The following ASB2 variants were observed in gnomAD, a reference collection of about 807,000 sequenced individuals.
ASB2 encodes ankyrin repeat and SOCS box protein 2.
A neutral mutation model predicts 62.4 loss-of-function variants in ASB2; 58 were observed. The ratio of observed to expected loss-of-function variants is 0.93; its 90% CI spans 0.75 to 1.16. The LOEUF is 1.16. ASB2 is among the 50% of genes most tolerant of loss of function. The pLI is 0.00. For missense variants in ASB2, 928 were observed against 887.9 expected (o/e 1.05, Z -0.57); for synonymous variants, 386 against 385.3 (o/e 1.00, Z -0.02).
chr14:93,963,877 T>A (rs1015483879), intron 2 of ASB2, among the ~76,000 whole-genome samples: 6 of 152,080 alleles, frequency 3.9e-5, no homozygotes, highest in African/African-American at 1.4e-4. Context: ...ACTGAGAGGA[T>A]GAGGTGGGGC....
At chr14:93,963,954 A>T (rs1889493677) in intron 2 of ASB2, among the ~76,000 whole-genome samples, 1 of 152,084 alleles carries the variant, frequency 6.6e-6, no homozygotes, top group Non-Finnish European at 1.5e-5. Context: ...TGCTCACCAG[A>T]TATGTTTTTC....
intron 6 of ASB2, among the ~76,000 whole-genome samples, chr14:93,950,334 A>C (rs533028978): frequency 2.0e-5 from 3 of 152,342 alleles, no homozygotes; most frequent in South Asian, 4.1e-4. Context: ...AACCAAAAGC[A>C]AGTCTGCCAT....
At chr14:93,934,829 A>G in intron 9 of ASB2, 37 bp from the exon 10 acceptor site, 1 of 1,583,700 alleles carries the variant, frequency 6.3e-7, no homozygotes, top group Non-Finnish European at 8.7e-7. Context: ...CTGATTTGTC[A>G]TTTGCAATAA....
At chr14:93,942,315 C>G (rs545820093) in intron 7 of ASB2, 8 of 455,438 alleles carry the variant, frequency 1.8e-5, no homozygotes, top group Non-Finnish European at 3.1e-5. Flanking sequence ...CCTACCCCTT[C>G]CTTGTCCCCT....
At chr14:93,952,893 G>A (rs1429810493) in intron 5 of ASB2, among the ~76,000 whole-genome samples, 1 of 152,236 alleles carries the variant, frequency 6.6e-6, no homozygotes, top group Non-Finnish European at 1.5e-5. Flanking sequence ...AGGAGGCCTT[G>A]TTTTTCTTAA....
intron 3 of ASB2, among the ~76,000 whole-genome samples, chr14:93,955,880 G>A (rs1314885053): frequency 2.6e-5 from 4 of 152,146 alleles, no homozygotes; most frequent in Non-Finnish European, 5.9e-5. Flanking sequence ...AGACTCAGAG[G>A]GGACAGCGAC....
chr14:93,945,259 G>A (rs1416061473), intron 7 of ASB2, among the ~76,000 whole-genome samples: 1 of 152,172 alleles, frequency 6.6e-6, no homozygotes, highest in Non-Finnish European at 1.5e-5. Context: ...ATCTCTCTGG[G>A]GTCAGGCTCA....
Position 93,976,455 on chromosome 14 carries a change from G to A in ASB2, c.-95C>T, listed in dbSNP as rs1016723405. ...TTACCTGTTAGGCTCTGAAACAAGGGTACAATTCAGGGGTAATACAAAGGA... is the reference window on the plus strand; with the variant it reads ...TTACCTGTTAGGCTCTGAAACAAGGATACAATTCAGGGGTAATACAAAGGA... On this transcript the variant is annotated 5_prime_UTR_variant, in exon 1 of 10. Coordinates refer to ENST00000555019, the MANE Select transcript of ASB2 (RefSeq NM_001202429.2). 3 of 152,190 alleles carry A rather than the reference G, an allele frequency of 2.0e-5. No individual in the cohort carries two copies. Among genetic ancestry groups the A allele is most frequent in the African/African-American group, 7.2e-5 (3 of 41,430 alleles). The allele number at this position is 152,190 out of a possible 1,614,324, so 9.4% of individuals were successfully genotyped here.
intron 8 of ASB2, 93 bp downstream of exon 8, chr14:93,939,015 G>T (rs1212251179): frequency 8.5e-7 from 1 of 1,182,852 alleles, no homozygotes; most frequent in Non-Finnish European, 1.1e-6. Context: ...CAAGGAGCGC[G>T]AACCACCCGG....
intron 7 of ASB2, chr14:93,940,600 T>C (rs1433005153): frequency 1.3e-5 from 2 of 152,240 alleles, no homozygotes; most frequent in Non-Finnish European, 1.5e-5. Flanking sequence ...CCTGTCAGTC[T>C]CAACGCCTCC....
intron 1 of ASB2, among the ~76,000 whole-genome samples, chr14:93,974,973 C>T (rs1889871203): frequency 6.6e-6 from 1 of 152,240 alleles, no homozygotes; most frequent in African/African-American, 2.4e-5. Context: ...TGATGCAAAC[C>T]AGCATGGCAC....
intron 7 of ASB2, chr14:93,944,118 GC>G (rs1888633349): frequency 9.8e-6 from 4 of 406,212 alleles, no homozygotes; most frequent in Middle Eastern, 4.9e-4. Context: ...CTCAGCCACG[GC>G]CCAGACCAGC....
At chr14:93,939,723 G>T in intron 7 of ASB2, 51 bp from the exon 8 acceptor site, 1 of 1,306,282 alleles carries the variant, frequency 7.7e-7, no homozygotes, top group Non-Finnish European at 9.9e-7. Flanking sequence ...GGGTGTGGAC[G>T]GGTAGGGCCG....
chr14:93,968,207 C>T (rs931815691), intron 1 of ASB2: 1 of 152,202 alleles, frequency 6.6e-6, no homozygotes, highest in East Asian at 1.9e-4. Context: ...CCAGACTTAC[C>T]AGGCCCTTCC....
At chr14:93,963,185 C>T (rs185050028) in intron 2 of ASB2, among the ~76,000 whole-genome samples, 7 of 152,300 alleles carry the variant, frequency 4.6e-5, no homozygotes, top group South Asian at 2.1e-4. Flanking sequence ...GACTGCACAT[C>T]GGAAAAAGTC....
chr14:93,943,305 G>T (rs1888602501), intron 7 of ASB2, among the ~76,000 whole-genome samples: 1 of 152,218 alleles, frequency 6.6e-6, no homozygotes, highest in Non-Finnish European at 1.5e-5. Flanking sequence ...AGGCATTCTG[G>T]ATCACCAGGT....
intron 9 of ASB2, among the ~76,000 whole-genome samples, chr14:93,936,353 G>A (rs1888270981): frequency 6.6e-6 from 1 of 152,244 alleles, no homozygotes; most frequent in South Asian, 2.1e-4. Context: ...GGATTTCCCT[G>A]GGGCATGGTT....
chr14:93,974,492 C>T (rs553811093), intron 1 of ASB2, among the ~76,000 whole-genome samples: 1 of 152,356 alleles, frequency 6.6e-6, no homozygotes, highest in South Asian at 2.1e-4. Context: ...TTTGTGCCTC[C>T]TTTGGGAAGG....
intron 6 of ASB2, 143 bp downstream of exon 6, chr14:93,950,856 C>T: frequency 4.1e-6 from 4 of 972,462 alleles, no homozygotes; most frequent in Non-Finnish European, 6.2e-6. Context: ...TCTTTCTCAA[C>T]ACAGCACTCT....
Sources: allele counts gnomAD v4.1 joint callset (sites outside exome capture counted in the v4.1 genomes callset), GRCh38; gene constraint gnomAD v4.1.1; transcripts MANE v1.5; gene names NCBI Gene and HGNC (gene_info 2026-07-23, HGNC 2026-07-21).